The following PPP2R2D variants were observed in gnomAD, a reference collection of about 807,000 sequenced individuals.
PPP2R2D encodes protein phosphatase 2 regulatory subunit Bdelta.
PPP2R2D carries 9 observed loss-of-function variants against 31.1 expected under a neutral mutation model. The ratio of observed to expected loss-of-function variants is 0.29; its 90% confidence interval spans 0.17 to 0.51. The LOEUF (loss-of-function observed/expected upper bound fraction) is 0.51, where lower values mean the gene tolerates loss of function less well. PPP2R2D is among the 20% of genes least tolerant of loss of function. The pLI, the probability that PPP2R2D is intolerant of heterozygous loss-of-function variation, is 0.98. For synonymous variants in PPP2R2D, 179 were observed against 172.6 expected (o/e 1.04, Z -0.29); for missense variants, 391 against 465.6 (o/e 0.84, Z 1.48).
At chr10:131,911,136 C>G (rs1181766407) in intron 2 of PPP2R2D, among the ~76,000 whole-genome samples, 1 of 152,182 alleles carries the variant, frequency 6.6e-6, no homozygotes, top group African/African-American at 2.4e-5. Flanking sequence ...CAACCTGAGG[C>G]TTGCCGTTGG....
Position 131,941,111 on chromosome 10 carries a change from C to T in PPP2R2D, c.477+417C>T, listed in dbSNP as rs560288886. 1.1e-4 allele frequency among the ~76,000 whole-genome samples: 16 copies of T among 152,202 alleles called. No individual in the cohort carries two copies. The South Asian group carries it at 1.9e-3, about 18-fold the overall frequency. On this transcript the variant is annotated intron_variant, in intron 5 of 8. Coordinates refer to ENST00000455566, the MANE Select transcript of PPP2R2D (RefSeq NM_018461.5). The stretch of plus-strand genomic sequence containing the variant: ...CTGTGGGCCACAGGTACATTCAGGA[C>T]GCTTCTCGGGGAATTTCTTTGGGGT...
rs781825150 is a variant in PPP2R2D, at chr10:131,947,980, A to G, written c.1082+189A>G. 2.0e-5 allele frequency among the ~76,000 whole-genome samples: 3 copies of G among 152,230 alleles called. No homozygotes were observed. The highest frequency in any genetic ancestry group is 4.4e-5 in the Non-Finnish European group (3 of 68,042). ...AATAGGATCTCTGAGCAAGTTTCTC[A>G]CCTAGCTTGTCATTCCATTTATATT... On this transcript the variant is annotated intron_variant, in intron 8 of 8. Coordinates refer to ENST00000455566, the MANE Select transcript of PPP2R2D (RefSeq NM_018461.5). The surrounding 1 kb of genome is among the most constrained non-coding windows in gnomAD (Gnocchi z 4.3).
At chr10:131,906,467 G>C (rs1434017236) in intron 2 of PPP2R2D, among the ~76,000 whole-genome samples, 1 of 152,180 alleles carries the variant, frequency 6.6e-6, no homozygotes, top group African/African-American at 2.4e-5. Context: ...GCTTGAGTCT[G>C]GGGAGTTATG....
Position 131,958,632 on chromosome 10 carries a change from GGT to G in PPP2R2D, c.*2675_*2676del, listed in dbSNP as rs1482121074. 4.0e-6 allele frequency: 1 copy of G among 251,256 alleles called. No individual in the cohort carries two copies. The highest frequency in any genetic ancestry group is 7.8e-6 in the Non-Finnish European group (1 of 128,452). The allele number at this position is 251,256 out of a possible 1,614,324, so 15.6% of individuals were successfully genotyped here. ...TCTCTTGTCCCCCTGTGGAGATGGA[GGT>G]GTGTGCTGATCCCCCATCCCCCTGT... On this transcript the variant is annotated 3_prime_UTR_variant, in exon 9 of 9. Transcript: ENST00000455566.
At chr10:131,931,674 T>C (rs1334193459) in intron 2 of PPP2R2D, among the ~76,000 whole-genome samples, 4 of 152,360 alleles carry the variant, frequency 2.6e-5, no homozygotes, top group Middle Eastern at 3.4e-3. Flanking sequence ...TGGTGACTTC[T>C]TGAGGCTCTG....
At chr10:131,926,053 A>G (rs2036099265) in intron 2 of PPP2R2D, among the ~76,000 whole-genome samples, 3 of 152,192 alleles carry the variant, frequency 2.0e-5, no homozygotes, top group Admixed American at 2.0e-4. Context: ...CACCCCATGC[A>G]CAATGACCTG....
At chr10:131,914,539 A>G (rs1009162134) in intron 2 of PPP2R2D, among the ~76,000 whole-genome samples, 8 of 152,234 alleles carry the variant, frequency 5.3e-5, no homozygotes, top group African/African-American at 1.9e-4. Flanking sequence ...ATAGGCCAGC[A>G]TTTCAGAAAG....
chr10:131,930,728 C>T (rs570873704), intron 2 of PPP2R2D, among the ~76,000 whole-genome samples: 7 of 152,314 alleles, frequency 4.6e-5, no homozygotes, highest in African/African-American at 1.2e-4. Context: ...TTGAGATGTG[C>T]GCGGCCTGGG....
intron 2 of PPP2R2D, among the ~76,000 whole-genome samples, chr10:131,907,572 C>T (rs1365818701): frequency 6.6e-6 from 1 of 151,904 alleles, no homozygotes; most frequent in African/African-American, 2.4e-5. Context: ...AACCCCGTCT[C>T]TACTAAAAAA....
intron 5 of PPP2R2D, among the ~76,000 whole-genome samples, chr10:131,943,637 G>T (rs528829901): frequency 6.6e-6 from 1 of 152,192 alleles, no homozygotes; most frequent in Non-Finnish European, 1.5e-5. Context: ...TTGCTGTCCA[G>T]CGCCTCAGTG....
intron 2 of PPP2R2D, among the ~76,000 whole-genome samples, chr10:131,929,587 T>C (rs1017335363): frequency 1.3e-5 from 2 of 152,200 alleles, no homozygotes; most frequent in Admixed American, 1.3e-4. Context: ...CTTTCACTCC[T>C]AGCAGGTGAC....
intron 3 of PPP2R2D, chr10:131,934,806 C>T: frequency 1.8e-6 from 1 of 547,914 alleles, no homozygotes; most frequent in Non-Finnish European, 3.5e-6. Context: ...ATGAAGGATG[C>T]AGGGTGGTGG....
downstream of PPP2R2D, among the ~76,000 whole-genome samples, chr10:131,961,164 C>A (rs1254663480): frequency 6.6e-6 from 1 of 152,190 alleles, no homozygotes; most frequent in Admixed American, 6.5e-5. Context: ...GCCGACGCTT[C>A]CCCAACCCCT....
chr10:131,934,960 A>G (rs782327196), intron 3 of PPP2R2D: 1 of 456,160 alleles, frequency 2.2e-6, no homozygotes, highest in South Asian at 1.5e-5. Context: ...CACTTCCTGC[A>G]GAGAAGTCTG....
intron 2 of PPP2R2D, among the ~76,000 whole-genome samples, chr10:131,913,366 C>G (rs937146195): frequency 1.3e-5 from 2 of 152,022 alleles, no homozygotes; most frequent in African/African-American, 4.8e-5. Context: ...ATATTAGTCT[C>G]CTGAGTTTTT....
At chr10:131,950,955 A>G (rs1257900920) in intron 8 of PPP2R2D, among the ~76,000 whole-genome samples, 7 of 152,268 alleles carry the variant, frequency 4.6e-5, no homozygotes, top group African/African-American at 1.7e-4. Flanking sequence ...ATTAAAAGTG[A>G]AAACAAAATC....
the PPP2R2D span, among the ~76,000 whole-genome samples, chr10:131,965,170 C>T: frequency 6.6e-6 from 1 of 152,194 alleles, no homozygotes; most frequent in African/African-American, 2.4e-5. Flanking sequence ...ACTGGAGGAT[C>T]CACAGAGGGG....
At chr10:131,928,223 C>T (rs1297843536) in intron 2 of PPP2R2D, among the ~76,000 whole-genome samples, 6 of 152,148 alleles carry the variant, frequency 3.9e-5, no homozygotes, top group Admixed American at 2.0e-4. Context: ...TCCGGTAGGG[C>T]GCTAGTTTTC....
intron 2 of PPP2R2D, among the ~76,000 whole-genome samples, chr10:131,933,500 C>T (rs782216253): frequency 3.3e-5 from 5 of 152,122 alleles, no homozygotes; most frequent in African/African-American, 1.2e-4. Context: ...CTGAGACTCC[C>T]CCACACTGCA....
Sources: gnomAD v4.1 joint callset for allele counts (sites outside exome capture counted in the v4.1 genomes callset) on GRCh38, gnomAD v4.1.1 for gene constraint, Gnocchi (gnomAD v3.1) non-coding constraint, MANE v1.5 for transcripts, NCBI Gene and HGNC (gene_info 2026-07-23, HGNC 2026-07-21) for gene names.